Variants in CCDC88A observed in about 807,000 individuals in gnomAD.
CCDC88A encodes coiled-coil and HOOK domain protein 88A.
CCDC88A carries 54 observed loss-of-function variants against 234.3 expected under a neutral mutation model. The ratio of observed to expected loss-of-function variants is 0.23; its 90% CI spans 0.19 to 0.29. The LOEUF is 0.29. Among genes scored for constraint, CCDC88A ranks in the 10% least tolerant of loss-of-function variants. The pLI is 1.00. For synonymous variants in CCDC88A, 753 were observed against 737.8 expected (o/e 1.02, Z -0.33); for missense variants, 1,832 against 2,123.4 (o/e 0.86, Z 2.70).
At chr2:55,325,286 G>C (rs1322859675) in intron 17 of CCDC88A, among the ~76,000 whole-genome samples, 1 of 152,140 alleles carries the variant, frequency 6.6e-6, no homozygotes, top group Non-Finnish European at 1.5e-5. Context: ...TCATCCATAA[G>C]TATTTCATAG....
At chr2:55,361,665 T>C (rs1184163926) in intron 7 of CCDC88A, among the ~76,000 whole-genome samples, 2 of 152,220 alleles carry the variant, frequency 1.3e-5, no homozygotes, top group Non-Finnish European at 2.9e-5. Context: ...CAGAGTACTT[T>C]GCTCTGCTAT....
intron 27 of CCDC88A, chr2:55,301,547 A>C (rs1680902295): frequency 1.9e-6 from 1 of 512,866 alleles, no homozygotes; most frequent in Admixed American, 3.7e-5. Context: ...GGGTTGTTCT[A>C]GGTAGTTCTG....
At chr2:55,376,645 A>G (rs576952998) in intron 3 of CCDC88A, among the ~76,000 whole-genome samples, 1 of 152,360 alleles carries the variant, frequency 6.6e-6, no homozygotes, top group African/African-American at 2.4e-5. Flanking sequence ...AGAAAAGTAC[A>G]TACTCAATAT....
At chr2:55,291,908 CAT>C in intron 31 of CCDC88A, 133 bp from the exon 32 acceptor site, 1 of 561,290 alleles carries the variant, frequency 1.8e-6, no homozygotes. Flanking sequence ...TTATTAATCT[CAT>C]AGGCATCTCA....
At chr2:55,414,328 T>C (rs1043560794) in intron 2 of CCDC88A, among the ~76,000 whole-genome samples, 2 of 152,190 alleles carry the variant, frequency 1.3e-5, no homozygotes, top group African/African-American at 2.4e-5. Flanking sequence ...CAGAATTAAA[T>C]GACATCTCAA....
intron 2 of CCDC88A, chr2:55,403,644 C>G (rs1361380240): frequency 6.6e-6 from 1 of 152,250 alleles, no homozygotes; most frequent in African/African-American, 2.4e-5. Flanking sequence ...TCTGACCTGA[C>G]AGACAACCTT....
chr2:55,379,854 G>A (rs1310147650), intron 3 of CCDC88A, among the ~76,000 whole-genome samples: 1 of 151,748 alleles, frequency 6.6e-6, no homozygotes, highest in South Asian at 2.1e-4. Context: ...CATGGGTTGC[G>A]GTGAGCCAAG....
intron 2 of CCDC88A, among the ~76,000 whole-genome samples, chr2:55,393,321 G>T (rs1291310469): frequency 9.7e-6 from 1 of 102,790 alleles, no homozygotes. Context: ...TTGCGACAGA[G>T]TCCCAGTCTG....
At chr2:55,357,362 CTCTA>C (rs761260842) in intron 7 of CCDC88A, among the ~76,000 whole-genome samples, 11 of 146,832 alleles carry the variant, frequency 7.5e-5, no homozygotes, top group Non-Finnish European at 1.5e-4. Context: ...CTCCTTCCCT[CTCTA>C]TCTCTCTCTC....
rs113702848 is a variant in CCDC88A, at chr2:55,288,129, T to C, written c.*3071A>G. ...TATTTAATAACAGTTATAAGTACAA[T>C]GGTAGACACTGAAAAAGAAAACCCT... On this transcript the variant is annotated 3_prime_UTR_variant, in exon 33 of 33. Transcript: ENST00000436346. 1.4e-4 allele frequency: 21 copies of C among 152,676 alleles called. No individual in the cohort carries two copies. The highest frequency in any genetic ancestry group is 4.6e-4 in the Admixed American group (7 of 15,292). The allele number at this position is 152,676 out of a possible 1,614,324, so 9.5% of individuals were successfully genotyped here.
chr2:55,402,178 A>C (rs1678813260), intron 2 of CCDC88A, among the ~76,000 whole-genome samples: 1 of 152,084 alleles, frequency 6.6e-6, no homozygotes, highest in Non-Finnish European at 1.5e-5. Flanking sequence ...AGAATTTTTA[A>C]AAATATTAAT....
chr2:55,304,755 C>G (rs1681334569), intron 25 of CCDC88A, among the ~76,000 whole-genome samples: 1 of 152,082 alleles, frequency 6.6e-6, no homozygotes, highest in African/African-American at 2.4e-5. Flanking sequence ...CATTCTTAAG[C>G]TACATTTTAG....
chr2:55,355,835 T>C (rs2104763832), intron 7 of CCDC88A, 84 bp from the exon 8 acceptor site: 2 of 999,112 alleles, frequency 2.0e-6, no homozygotes, highest in East Asian at 5.0e-5. Flanking sequence ...GTCTAAGAAT[T>C]GTACTGCCAT....
chr2:55,298,315 A>G (rs2104560977), intron 29 of CCDC88A, among the ~76,000 whole-genome samples: 1 of 148,972 alleles, frequency 6.7e-6, no homozygotes, highest in African/African-American at 2.4e-5. Context: ...TTTTCAGACT[A>G]CATTTTTCTA....
chr2:55,394,852 TTGTTTTTTTTTGAGATGGAGTCTCACTC>T (rs1300721528), intron 2 of CCDC88A, among the ~76,000 whole-genome samples: 1 of 151,888 alleles, frequency 6.6e-6, no homozygotes, highest in African/African-American at 2.4e-5. Flanking sequence ...GTTTTTGTTT[TTGTTTTTTTTTGAGATGGAGTCTCACTC>T]TGTTGCCCAG....
intron 7 of CCDC88A, among the ~76,000 whole-genome samples, chr2:55,360,171 G>C (rs977715197): frequency 6.6e-6 from 1 of 152,110 alleles, no homozygotes; most frequent in Non-Finnish European, 1.5e-5. Context: ...TTTAGTAAAA[G>C]GAGAGGACTG....
chr2:55,392,966 T>C (rs1254870627), intron 2 of CCDC88A, among the ~76,000 whole-genome samples: 1 of 152,190 alleles, frequency 6.6e-6, no homozygotes, highest in Non-Finnish European at 1.5e-5. Context: ...CCCTTTCCTT[T>C]GTTGTTGTTT....
At chr2:55,353,021 G>A (rs1258888934) in intron 8 of CCDC88A, among the ~76,000 whole-genome samples, 3 of 152,098 alleles carry the variant, frequency 2.0e-5, no homozygotes, top group Non-Finnish European at 2.9e-5. Flanking sequence ...AAAGGGCAAT[G>A]AAGATATTAG....
rs1227947835 is a variant in CCDC88A, at chr2:55,308,938, A to T, written c.4258T>A (p.Leu1420Ile). Residue 1420 changes from leucine (L) to isoleucine (I), a missense_variant, in exon 25 of 33, where the codon TTA (leucine) becomes ATA (isoleucine). Transcript: ENST00000436346. ...CTGGAGTCTGAGCGGGTGGGTGTTA[A>T]TGTTAGAGATTTCTGGCGTTCCCGA... ...INRERQKSLT[L>I]TPTRSDSSEG... 6.2e-7 allele frequency: 1 copy of T among 1,613,896 alleles called. No individual in the cohort carries two copies. Among genetic ancestry groups the T allele is most frequent in the Non-Finnish European group, 8.5e-7 (1 of 1,179,904 alleles).
Sources: allele counts gnomAD v4.1 joint callset (sites outside exome capture counted in the v4.1 genomes callset), GRCh38; gene constraint gnomAD v4.1.1; transcripts MANE v1.5; gene names NCBI Gene and HGNC (gene_info 2026-07-23, HGNC 2026-07-21).